ARMC2: variants seen among roughly 807,000 people sequenced by gnomAD.
ARMC2 encodes the protein armadillo repeat containing 2, also known as armadillo repeat-containing protein 2.
A neutral mutation model predicts 90.3 loss-of-function variants in ARMC2; 67 were observed. The ratio of observed to expected loss-of-function variants is 0.74; its 90% confidence interval spans 0.61 to 0.91. ARMC2 has a LOEUF of 0.91. Among genes scored for constraint, ARMC2 ranks in the 40% least tolerant of loss-of-function variants. The pLI is 0.00. For missense variants in ARMC2, 920 were observed against 1,030.9 expected (o/e 0.89, Z 1.47); for synonymous variants, 393 against 393.0 (o/e 1.00, Z 0.00).
the ARMC2 span, among the ~76,000 whole-genome samples, chr6:109,023,695 T>C: frequency 6.6e-6 from 1 of 152,162 alleles, no homozygotes; most frequent in Non-Finnish European, 1.5e-5. Context: ...TGTTACAGGC[T>C]TTGCACATAG....
chr6:109,038,790 A>G, the ARMC2 span, among the ~76,000 whole-genome samples: 2 of 152,170 alleles, frequency 1.3e-5, no homozygotes, highest in African/African-American at 4.8e-5. Context: ...CATTGTAGGG[A>G]TCAGCTACTT....
intron 5 of ARMC2, among the ~76,000 whole-genome samples, chr6:108,878,135 G>A (rs1477781394): frequency 6.6e-6 from 1 of 152,128 alleles, no homozygotes; most frequent in Non-Finnish European, 1.5e-5. Flanking sequence ...GAAACTCTTA[G>A]CAATTCTTTC....
rs569713334 is a variant in ARMC2 at position 108,962,992 on chromosome 6, C to G, written c.2152+865C>G. Among the ~76,000 whole-genome samples, 65 of 152,020 alleles carry G rather than the reference C, an allele frequency of 4.3e-4. 1 individual carries two copies. Among genetic ancestry groups the G allele is most frequent in the South Asian group, 3.5e-3 (17 of 4,824 alleles). ...CTAGGCTGGGAGACAGAGCGACACT[C>G]TATCTCTAAAAAATAAAAAAAATTT... On this transcript the variant is annotated intron_variant, in intron 15 of 17. Transcript: ENST00000392644.
At chr6:108,876,402 C>A in intron 5 of ARMC2, 52 bp downstream of exon 5, 1 of 1,523,512 alleles carries the variant, frequency 6.6e-7, no homozygotes, top group Non-Finnish European at 8.9e-7. Context: ...TATCATTTAC[C>A]AGTTTCTTCT....
chr6:109,033,258 T>C, the ARMC2 span, among the ~76,000 whole-genome samples: 11 of 152,132 alleles, frequency 7.2e-5, no homozygotes, highest in Non-Finnish European at 1.3e-4. Context: ...TATAAACCAG[T>C]GATGCCAGTG....
chr6:108,962,672 C>G (rs1056718122), intron 15 of ARMC2, among the ~76,000 whole-genome samples: 1 of 152,164 alleles, frequency 6.6e-6, no homozygotes, highest in Non-Finnish European at 1.5e-5. Context: ...TGATGCTATA[C>G]AGTATAAATA....
chr6:108,890,307 A>T (rs1769541627), intron 5 of ARMC2, among the ~76,000 whole-genome samples: 1 of 148,462 alleles, frequency 6.7e-6, no homozygotes, highest in Non-Finnish European at 1.5e-5. Flanking sequence ...GCTCAATAAG[A>T]TTTGACTCTG....
chr6:108,927,549 AT>A (rs142531258), intron 10 of ARMC2, among the ~76,000 whole-genome samples: 207 of 150,546 alleles, frequency 1.4e-3, no homozygotes, highest in African/African-American at 4.5e-3. Flanking sequence ...GCTTTCCTGA[AT>A]TTTTTTTTTA....
chr6:108,900,742 T>TACTCGCCA (rs1157409428), intron 7 of ARMC2, among the ~76,000 whole-genome samples: 1 of 152,164 alleles, frequency 6.6e-6, no homozygotes, highest in Non-Finnish European at 1.5e-5. Flanking sequence ...CCGGTGCTGC[T>TACTCGCCA]ACTCGCCAAG....
chr6:108,907,763 G>C lies in ARMC2; in HGVS notation c.1024-3136G>C, dbSNP rs561904737. 5.6e-6 allele frequency: 9 copies of C among 1,610,268 alleles called. No individual in the cohort carries two copies. The Admixed American group carries it at 1.2e-4, about 21-fold the overall frequency. On this transcript the variant is annotated intron_variant, in intron 8 of 17. Transcript: ENST00000392644. Reference sequence around the variant, plus strand: ...GTACCAGTAGTAACCTCTTTGAAACGCTCCGAAAATGCCACTAGGGCTGAA... The same window carrying C: ...GTACCAGTAGTAACCTCTTTGAAACCCTCCGAAAATGCCACTAGGGCTGAA...
At chr6:109,019,610 C>T in the ARMC2 span, among the ~76,000 whole-genome samples, 1 of 152,154 alleles carries the variant, frequency 6.6e-6, no homozygotes, top group African/African-American at 2.4e-5. Context: ...TAGTGACACA[C>T]ATGCCAGTAT....
At chr6:108,883,657 A>C (rs1362669097) in intron 5 of ARMC2, among the ~76,000 whole-genome samples, 1 of 152,186 alleles carries the variant, frequency 6.6e-6, no homozygotes, top group Non-Finnish European at 1.5e-5. Context: ...AACTTTAGAG[A>C]GATCTTTTAG....
chr6:108,864,679 A>G (rs1167042193), intron 3 of ARMC2, among the ~76,000 whole-genome samples: 1 of 151,904 alleles, frequency 6.6e-6, no homozygotes, highest in Non-Finnish European at 1.5e-5. Flanking sequence ...GATGTCCTGA[A>G]CTCCCTTTTC....
the ARMC2 span, among the ~76,000 whole-genome samples, chr6:108,990,377 C>T: frequency 6.6e-6 from 1 of 152,160 alleles, no homozygotes; most frequent in African/African-American, 2.4e-5. Flanking sequence ...GTTCTAGGAC[C>T]AGCTTGCTTG....
At chr6:108,908,299 A>C (rs1185517587) in intron 8 of ARMC2, among the ~76,000 whole-genome samples, 4 of 152,236 alleles carry the variant, frequency 2.6e-5, no homozygotes, top group Non-Finnish European at 5.9e-5. Flanking sequence ...GAGGGTATGC[A>C]GAAGCTGCCC....
chr6:108,853,343 A>T (rs985848340), intron 1 of ARMC2, among the ~76,000 whole-genome samples: 1 of 152,284 alleles, frequency 6.6e-6, no homozygotes, highest in Admixed American at 6.5e-5. Context: ...TAGAAATGGA[A>T]TCTTTTTAGT....
intron 17 of ARMC2, among the ~76,000 whole-genome samples, chr6:108,966,079 G>A (rs1050844470): frequency 6.8e-5 from 10 of 146,190 alleles, no homozygotes; most frequent in African/African-American, 2.6e-4. Flanking sequence ...TTCCCAAATA[G>A]AGGAGATGTA....
intron 4 of ARMC2, among the ~76,000 whole-genome samples, chr6:108,869,480 C>T (rs954203623): frequency 7.9e-5 from 12 of 151,826 alleles, no homozygotes; most frequent in African/African-American, 2.9e-4. Flanking sequence ...TGCACCCCAG[C>T]GTGGGTGACG....
chr6:108,898,760 T>C (rs980152997), intron 6 of ARMC2, among the ~76,000 whole-genome samples: 1 of 152,166 alleles, frequency 6.6e-6, no homozygotes, highest in Admixed American at 6.5e-5. Flanking sequence ...TTTCTTCACT[T>C]GCAAAATGGA....
Sources: gnomAD v4.1 joint callset for allele counts (sites outside exome capture counted in the v4.1 genomes callset) on GRCh38, gnomAD v4.1.1 for gene constraint, MANE v1.5 for transcripts, NCBI Gene and HGNC (gene_info 2026-07-23, HGNC 2026-07-21) for gene names.